TMEM101: variants seen among roughly 807,000 people sequenced by gnomAD.
TMEM101 encodes the protein transmembrane protein 101, also known as putative NF-kappa-B-activating protein 130.
TMEM101 carries 14 observed loss-of-function variants against 26.0 expected under a neutral mutation model. The ratio of observed to expected loss-of-function variants is 0.54; its 90% CI spans 0.36 to 0.84. The LOEUF (loss-of-function observed/expected upper bound fraction) is 0.84. Ranked by LOEUF, TMEM101 falls within the 40% of genes least tolerant of loss-of-function variation. The pLI is 0.01. For missense variants in TMEM101, 292 were observed against 345.1 expected, an observed-to-expected ratio of 0.85 and a Z score of 1.22; for synonymous variants, 152 against 145.1, an observed-to-expected ratio of 1.05 and a Z score of -0.34.
At chr17:44,019,392 C>T (rs185802481), upstream of TMEM101, 39 of 372,182 alleles carry the variant, frequency 1.0e-4, no homozygotes, top group African/African-American at 6.9e-4. Flanking sequence ...CGTGCACAGA[C>T]GAGGAGAGGT....
At chr17:44,015,197 T>C, upstream of TMEM101, 1 of 444,250 alleles carries the variant, frequency 2.3e-6, no homozygotes, top group South Asian at 2.9e-5. Flanking sequence ...AACAGTGGGT[T>C]CAGGATAGCA....
intron 2 of TMEM101, among the ~76,000 whole-genome samples, chr17:44,020,277 G>A (rs937082509): frequency 5.9e-5 from 9 of 152,132 alleles, no homozygotes; most frequent in Admixed American, 2.6e-4. Flanking sequence ...TGTAGGATTC[G>A]CATACCTAGA....
intron 2 of TMEM101, chr17:44,021,195 T>A (rs757422299): frequency 2.0e-5 from 3 of 152,180 alleles, no homozygotes; most frequent in Non-Finnish European, 2.9e-5. Flanking sequence ...TCGGGGGTTG[T>A]TGACAAGATA....
intron 2 of TMEM101, among the ~76,000 whole-genome samples, chr17:44,013,575 T>C (rs1038351601): frequency 9.9e-5 from 15 of 152,018 alleles, no homozygotes; most frequent in Admixed American, 8.5e-4. Context: ...AGGAGAATCG[T>C]TTGAACCTGG....
upstream of TMEM101, among the ~76,000 whole-genome samples, chr17:44,017,380 CAGG>C (rs1402062313): frequency 3.3e-5 from 5 of 151,340 alleles, 1 homozygote; most frequent in East Asian, 9.9e-4. Context: ...ATCACGAGGT[CAGG>C]AGATCGAGAC....
Position 44,021,440 on chromosome 17 carries a change from C to G in TMEM101, c.-323-5G>C, listed in dbSNP as rs111568028. ...TCTGCCTGCTGATTAAATAGTCTGTCAAGAAAAAGCAGAGACGCATGAGCA... is the reference window on the plus strand; with the variant it reads ...TCTGCCTGCTGATTAAATAGTCTGTGAAGAAAAAGCAGAGACGCATGAGCA... On this transcript the variant is annotated splice_polypyrimidine_tract_variant and splice_region_variant and intron_variant, in intron 1 of 4. Transcript: ENST00000585950. 19 of 152,284 alleles carry G rather than the reference C, an allele frequency of 1.2e-4. 1 individual carries two copies. The highest frequency in any genetic ancestry group is 4.3e-4 in the African/African-American group (18 of 41,562). 9.4% of individuals were successfully genotyped at this position (152,284 alleles called of 1,614,324 possible).
exon 2 of TMEM101, chr17:44,021,400 AT>A (rs1442978677): frequency 6.6e-6 from 1 of 152,186 alleles, no homozygotes; most frequent in Non-Finnish European, 1.5e-5. Context: ...TATGGTGGAA[AT>A]TTTGGCCTGT....
At chr17:44,021,770 A>G (rs555499589) in intron 1 of TMEM101, among the ~76,000 whole-genome samples, 1 of 152,316 alleles carries the variant, frequency 6.6e-6, no homozygotes, top group African/African-American at 2.4e-5. Flanking sequence ...TAAAGACATC[A>G]TGGTTGAAGC....
chr17:44,012,016 C>T lies in TMEM101; in HGVS notation c.686G>A (p.Arg229Gln), dbSNP rs766657064. 32 of 1,613,986 alleles carry T rather than the reference C, an allele frequency of 2.0e-5. No homozygotes were observed. In the East Asian group the frequency reaches 2.0e-4, roughly 10 times the overall value. Residue 229 changes from arginine (R) to glutamine (Q), a missense_variant, in exon 4 of 4, where the codon CGG (arginine) becomes CAG (glutamine). This residue lies in a region of TMEM101 where 149 missense variants were observed against 211.9 expected (regional missense o/e 0.70). Transcript: ENST00000206380. ...CATCTGGTTCCAGAACTCAACACGCCGCGTGTTGTGCCAGTAAGCAACATT... is the reference window on the plus strand; with the variant it reads ...CATCTGGTTCCAGAACTCAACACGCTGCGTGTTGTGCCAGTAAGCAACATT... ...DGNVAYWHNT[R>Q]RVEFWNQMKL...
At chr17:44,015,868 AAGG>A (rs772275955), upstream of TMEM101, among the ~76,000 whole-genome samples, 2 of 152,096 alleles carry the variant, frequency 1.3e-5, no homozygotes, top group Non-Finnish European at 2.9e-5. Context: ...CTGAGAGAAA[AAGG>A]AGATCTGAAC....
chr17:44,014,227 G>A lies in TMEM101; in HGVS notation c.318+130C>T, dbSNP rs2049196754. On this transcript the variant is annotated intron_variant, in intron 2 of 3. Transcript: ENST00000206380. ...GCTCTGTAATCTCCATAAGCCAAGG[G>A]GTTCGAACCTCCCAGGCTTCACACT... 2.7e-5 allele frequency: 29 copies of A among 1,074,048 alleles called. 1 individual carries two copies. The South Asian group carries it at 4.7e-4, about 17-fold the overall frequency. The allele number at this position is 1,074,048 out of a possible 1,614,324, so 66.5% of individuals were successfully genotyped here. A position where few individuals can be genotyped will look rare whatever the true frequency, so the allele number is the denominator to read the frequency against.
chr17:44,011,948 T>C lies in TMEM101; in HGVS notation c.754A>G (p.Ile252Val), dbSNP rs1012568067. Residue 252 changes from isoleucine (I) to valine (V), a missense_variant, in exon 4 of 4, where the codon ATC becomes GTC. This residue lies in a region of TMEM101 where 149 missense variants were observed against 211.9 expected (regional missense o/e 0.70). Coordinates refer to ENST00000206380, the MANE Select transcript of TMEM101 (RefSeq NM_032376.4). ...AAAACTCAGCCATCAGTGGCCAGGA[T>C]GACAGCAGTTCCGAAGATGCCCACA... ...ESVGIFGTAV[I>V]LATDG The C allele has an allele frequency of 1.2e-6, 2 of 1,610,536 alleles. No individual in the cohort carries two copies. Among genetic ancestry groups the C allele is most frequent in the Non-Finnish European group, 1.7e-6 (2 of 1,177,242 alleles).
Position 44,014,836 on chromosome 17 carries a change from A to T in TMEM101, c.117T>A (p.Ala39=). The T allele has an allele frequency of 6.2e-7, 1 of 1,604,366 alleles. No homozygotes were observed. Among genetic ancestry groups the T allele is most frequent in the Non-Finnish European group, 8.5e-7 (1 of 1,174,376 alleles). Residue 39 remains alanine, a synonymous_variant, in exon 1 of 4, where the codon GCT becomes GCA. Coordinates refer to ENST00000206380, the MANE Select transcript of TMEM101 (RefSeq NM_032376.4). ...CTCACCGGCGTGCCTCAGCCCTCTC[A>T]GCGTACAGCATGAGCTGGCTGAAGC... ...WGCFSQLMLY[A]ERAEARRKPD...
intron 1 of TMEM101, among the ~76,000 whole-genome samples, chr17:44,022,435 T>G (rs2049293708): frequency 6.6e-6 from 1 of 152,182 alleles, no homozygotes; most frequent in Admixed American, 6.5e-5. Flanking sequence ...GCCTGATCAG[T>G]CAAGACATAG....
intron 3 of TMEM101, chr17:44,012,760 C>T (rs972066117): frequency 1.6e-5 from 7 of 433,416 alleles, no homozygotes; most frequent in African/African-American, 1.4e-4. Flanking sequence ...TCTTGTTCTC[C>T]TGGCTCTCAG....
upstream of TMEM101, among the ~76,000 whole-genome samples, chr17:44,016,125 G>GCA (rs34740275): frequency 3.8e-3 from 555 of 147,980 alleles, 2 homozygotes; most frequent in Middle Eastern, 0.014. Flanking sequence ...AGATACACAC[G>GCA]CACACACACA....
chr17:44,016,451 G>A (rs1241280699), upstream of TMEM101, among the ~76,000 whole-genome samples: 2 of 152,280 alleles, frequency 1.3e-5, no homozygotes, highest in Non-Finnish European at 1.5e-5. Context: ...GATTACAGGC[G>A]TGAGACACCG....
In TMEM101 at chr17:44,011,495, TC is replaced by T. The variant is rs1316091917; in HGVS notation, c.*432del. ...CATGTGTCAACACACGCACTCCCTCTCACAGTCTCCAAACAGCACTGCAGAG... is the reference window on the plus strand; with the variant it reads ...CATGTGTCAACACACGCACTCCCTCTACAGTCTCCAAACAGCACTGCAGAG... On this transcript the variant is annotated 3_prime_UTR_variant, in exon 4 of 4. Transcript: ENST00000206380. 5.1e-6 allele frequency: 1 copy of T among 194,372 alleles called. No individual in the cohort carries two copies. Among genetic ancestry groups the T allele is most frequent in the Non-Finnish European group, 1.1e-5 (1 of 93,452 alleles). 12.0% of individuals were successfully genotyped at this position (194,372 alleles called of 1,614,324 possible).
At chr17:44,014,686 C>CA in intron 1 of TMEM101, 130 bp downstream of exon 1, 1 of 1,497,462 alleles carries the variant, frequency 6.7e-7, no homozygotes, top group South Asian at 1.3e-5. Flanking sequence ...TTTGGTCCGA[C>CA]ACCCAGACCA....
Sources: gnomAD v4.1 joint callset for allele counts (sites outside exome capture counted in the v4.1 genomes callset) on GRCh38, gnomAD v4.1.1 for gene constraint, gnomAD v4.1.1 regional missense constraint, MANE v1.5 for transcripts, NCBI Gene and HGNC (gene_info 2026-07-23, HGNC 2026-07-21) for gene names.